Variants in KIN observed in about 807,000 individuals in gnomAD.
KIN encodes the protein Kin17 DNA and RNA binding protein.
KIN carries 47 observed loss-of-function variants against 63.0 expected under a neutral mutation model. The ratio of observed to expected loss-of-function variants is 0.75; its 90% CI spans 0.59 to 0.95. KIN has a LOEUF of 0.95. Among genes scored for constraint, KIN ranks in the 40% least tolerant of loss-of-function variants. KIN has a pLI of 0.00. For missense variants in KIN, 408 were observed against 460.9 expected (o/e 0.89, Z 1.05); for synonymous variants, 160 against 157.7 (o/e 1.01, Z -0.11).
chr10:7,787,750 G>A lies in KIN; in HGVS notation c.114+70C>T, dbSNP rs558660560. On this transcript the variant is annotated intron_variant, in intron 1 of 12. Transcript: ENST00000379562. ...GCCCCAGCCCCGCGCCCTCAGCCCC[G>A]CGTCCAGGACCTGATCCTGGATTGC... 72 of 1,234,626 alleles carry A rather than the reference G, an allele frequency of 5.8e-5. No homozygotes were observed. The East Asian group carries it at 1.1e-3, about 19-fold the overall frequency. 76.5% of individuals were successfully genotyped at this position (1,234,626 alleles called of 1,614,324 possible).
rs1835293090 is a variant in KIN, at chr10:7,754,419, G to C, written c.*1661C>G. 1 of 201,020 alleles carries C rather than the reference G, an allele frequency of 5.0e-6. No homozygotes were observed. Among genetic ancestry groups the C allele is most frequent in the African/African-American group, 2.4e-5 (1 of 42,412 alleles). The allele number at this position is 201,020 out of a possible 1,614,324, so 12.5% of individuals were successfully genotyped here. On this transcript the variant is annotated 3_prime_UTR_variant, in exon 13 of 13. Transcript: ENST00000379562. The stretch of plus-strand genomic sequence containing the variant: ...GGAGGCTGAGGCGGGCAGATCATAA[G>C]GTCAAGAGATCGAGACCATCCTGGC...
At chr10:7,777,894 G>A (rs1400282837) in intron 5 of KIN, among the ~76,000 whole-genome samples, 10 of 130,978 alleles carry the variant, frequency 7.6e-5, no homozygotes, top group South Asian at 4.8e-4. Flanking sequence ...GTGAGACTCC[G>A]TCCCCCCCCC....
intron 2 of KIN, among the ~76,000 whole-genome samples, chr10:7,780,611 C>T (rs1474746950): frequency 4.6e-5 from 7 of 152,104 alleles, no homozygotes; most frequent in Admixed American, 4.6e-4. Context: ...GTTGGGCAGG[C>T]TGGTCTCAAA....
intron 4 of KIN, among the ~76,000 whole-genome samples, chr10:7,779,304 G>A (rs576289266): frequency 6.6e-6 from 1 of 152,266 alleles, no homozygotes; most frequent in South Asian, 2.1e-4. Context: ...CTACTCAGGA[G>A]GCTGAGGCAG....
chr10:7,764,961 A>C (rs1210431972), intron 9 of KIN, among the ~76,000 whole-genome samples: 1 of 151,974 alleles, frequency 6.6e-6, no homozygotes, highest in African/African-American at 2.4e-5. Flanking sequence ...GGAGTTCGAG[A>C]CCAGCCTGAC....
At chr10:7,776,675 G>A (rs1203835625) in intron 5 of KIN, among the ~76,000 whole-genome samples, 1 of 149,228 alleles carries the variant, frequency 6.7e-6, no homozygotes, top group Non-Finnish European at 1.5e-5. Flanking sequence ...AGGTTGCAGT[G>A]AGCCGAGATC....
chr10:7,779,003 G>A lies in KIN; in HGVS notation c.393C>T (p.Asp131=), dbSNP rs1007054757. Residue 131 remains aspartate (D), a synonymous_variant, in exon 5 of 13, where the codon GAC becomes GAT. Transcript: ENST00000379562. ...GAATATACCAGCCTTTTGGTGTCTC[G>A]TCCACTTTGCACAAGCCTTAAAAAA... is the stretch of plus-strand genomic sequence containing the variant. The part of the protein sequence containing the change: ...WLGREGLCKV[D]ETPKGWYIQY... The A allele has an allele frequency of 4.3e-6, 7 of 1,611,612 alleles. No individual in the cohort carries two copies. The South Asian group carries it at 4.4e-5, about 10-fold the overall frequency.
At chr10:7,771,112 A>G (rs1440995177) in intron 7 of KIN, among the ~76,000 whole-genome samples, 1 of 146,316 alleles carries the variant, frequency 6.8e-6, no homozygotes, top group Non-Finnish European at 1.5e-5. Flanking sequence ...GCTATAAATA[A>G]TGGACATGGG....
At chr10:7,776,242 A>G (rs1321320132) in intron 5 of KIN, among the ~76,000 whole-genome samples, 1 of 150,114 alleles carries the variant, frequency 6.7e-6, no homozygotes, top group African/African-American at 2.5e-5. Context: ...AAAAAAAAAA[A>G]AGAAATTACA....
intron 9 of KIN, among the ~76,000 whole-genome samples, 185 bp from the exon 10 acceptor site, chr10:7,763,976 T>C (rs1835490741): frequency 6.6e-6 from 1 of 152,242 alleles, no homozygotes; most frequent in Admixed American, 6.5e-5. Flanking sequence ...CTTTTATTCC[T>C]TCTTCCCCTT....
chr10:7,769,545 T>G (rs1000342857), intron 7 of KIN, among the ~76,000 whole-genome samples, 200 bp from the exon 8 acceptor site: 1 of 152,210 alleles, frequency 6.6e-6, no homozygotes, highest in South Asian at 2.1e-4. Context: ...TCTTTAACTC[T>G]CTGTACCTAT....
At chr10:7,787,488 TGTTA>T (rs1212293686) in intron 1 of KIN, among the ~76,000 whole-genome samples, 1 of 152,198 alleles carries the variant, frequency 6.6e-6, no homozygotes, top group Admixed American at 6.5e-5. Context: ...AGCTGATGAC[TGTTA>T]CTGGCATTGC....
rs1377191729 is a variant in KIN at position 7,752,716 on chromosome 10, A to C, written c.*3364T>G. ...AACTGTGGTGCATTCAGACAATAGA[A>C]TATGCAGTGCTAAAATGAAGTGCGC... On this transcript the variant is annotated 3_prime_UTR_variant, in exon 13 of 13. Coordinates refer to ENST00000379562, the MANE Select transcript of KIN (RefSeq NM_012311.4). The C allele has an allele frequency of 6.6e-6, 1 of 152,244 alleles. No individual in the cohort carries two copies. Among genetic ancestry groups the C allele is most frequent in the African/African-American group, 2.4e-5 (1 of 41,466 alleles). The allele number at this position is 152,244 out of a possible 1,614,324, so 9.4% of individuals were successfully genotyped here.
rs371929590 is a variant in KIN, at chr10:7,776,127, G to A, written c.559-328C>T. Among the ~76,000 whole-genome samples the A allele has an allele frequency of 2.3e-4, 35 of 151,832 alleles. No individual in the cohort carries two copies. The East Asian group carries it at 6.4e-3, about 28-fold the overall frequency. On this transcript the variant is annotated intron_variant, in intron 5 of 12. Coordinates refer to ENST00000379562, the MANE Select transcript of KIN (RefSeq NM_012311.4). ...CACCTGTAATCCCAGCTACTCAGGA[G>A]GCTGAGGCAGGAGAATCACGTGAAC... is the stretch of plus-strand genomic sequence containing the variant.
intron 8 of KIN, among the ~76,000 whole-genome samples, chr10:7,767,422 T>C (rs1481139660): frequency 6.6e-6 from 1 of 152,220 alleles, no homozygotes; most frequent in Non-Finnish European, 1.5e-5. Context: ...AAGGACTGTT[T>C]TTCTTTCTAC....
rs1204950743 is a variant in KIN at position 7,751,622 on chromosome 10, T to C, written c.*4458A>G. The stretch of plus-strand genomic sequence containing the variant: ...ATAGCACTACCTCTTAGTTTTCTTC[T>C]TCTATAAGAAGTGCTCACCTATGAT... On this transcript the variant is annotated 3_prime_UTR_variant, in exon 13 of 13. Coordinates refer to ENST00000379562, the MANE Select transcript of KIN (RefSeq NM_012311.4). 6.6e-6 allele frequency: 1 copy of C among 152,196 alleles called. No homozygotes were observed. Among genetic ancestry groups the C allele is most frequent in the African/African-American group, 2.4e-5 (1 of 41,462 alleles). 9.4% of individuals were successfully genotyped at this position (152,196 alleles called of 1,614,324 possible). A position where few individuals can be genotyped will look rare whatever the true frequency, so the allele number is the denominator to read the frequency against.
At chr10:7,776,416 C>A (rs1365381002) in intron 5 of KIN, among the ~76,000 whole-genome samples, 2 of 150,178 alleles carry the variant, frequency 1.3e-5, no homozygotes, top group African/African-American at 4.9e-5. Context: ...ATGGCGGGCG[C>A]CTGTAATGCC....
In KIN at chr10:7,753,149, A is replaced by C. The variant is rs1835269379; in HGVS notation, c.*2931T>G. 6.6e-6 allele frequency: 1 copy of C among 152,222 alleles called. No individual in the cohort carries two copies. The highest frequency in any genetic ancestry group is 1.5e-5 in the Non-Finnish European group (1 of 68,032). The allele number at this position is 152,222 out of a possible 1,614,324, so 9.4% of individuals were successfully genotyped here. A position where few individuals can be genotyped will look rare whatever the true frequency, so the allele number is the denominator to read the frequency against. On this transcript the variant is annotated 3_prime_UTR_variant, in exon 13 of 13. Transcript: ENST00000379562. ...TATCTGCAGTCATTTTGCTTAGCATAAACTCTATCAAGTTCTACAGACTCA... is the reference window on the plus strand; with the variant it reads ...TATCTGCAGTCATTTTGCTTAGCATCAACTCTATCAAGTTCTACAGACTCA...
chr10:7,754,770 C>T lies in KIN; in HGVS notation c.*1310G>A, dbSNP rs540684395. On this transcript the variant is annotated 3_prime_UTR_variant, in exon 13 of 13. Transcript: ENST00000379562. ...ACAGGAGCCAGAGACAGAGCGGAAG[C>T]CCAGGGAAGGCTGTTCACACCCGGT... The T allele has an allele frequency of 1.3e-5, 2 of 152,348 alleles. No individual in the cohort carries two copies. Among genetic ancestry groups the T allele is most frequent in the Non-Finnish European group, 2.9e-5 (2 of 68,222 alleles). The allele number at this position is 152,348 out of a possible 1,614,324, so 9.4% of individuals were successfully genotyped here.
Sources: allele counts gnomAD v4.1 joint callset (sites outside exome capture counted in the v4.1 genomes callset), GRCh38; gene constraint gnomAD v4.1.1; transcripts MANE v1.5; gene names NCBI Gene and HGNC (gene_info 2026-07-23, HGNC 2026-07-21).